The following ADGRG4 variants were observed in gnomAD, a reference collection of about 807,000 sequenced individuals.
The protein encoded by ADGRG4 is adhesion G protein-coupled receptor G4, also known as G protein-coupled receptor 112.
A neutral mutation model predicts 126.2 loss-of-function variants in ADGRG4; 122 were observed. That is an observed-to-expected ratio of 0.97 (90% confidence interval 0.83 to 1.12). The LOEUF is 1.12. ADGRG4 is among the 50% of genes most tolerant of loss of function. The pLI is 0.00. For synonymous variants in ADGRG4, 943 were observed against 838.7 expected (o/e 1.12, Z -2.15); for missense variants, 2,481 against 2,251.8 (o/e 1.10, Z -2.06).
intron 4 of ADGRG4, among the ~76,000 whole-genome samples, chrX:136,311,703 G>A (rs1169207149): frequency 9.0e-6 from 1 of 111,014 alleles, no homozygotes; most frequent in Non-Finnish European, 1.9e-5. Context: ...AAGCCCCAGA[G>A]CCATGTCAGA....
chrX:136,327,055 A>T (rs2148453606), intron 5 of ADGRG4, among the ~76,000 whole-genome samples: 1 of 111,634 alleles, frequency 9.0e-6, no homozygotes, highest in South Asian at 3.7e-4. Context: ...AGTCATTAGA[A>T]ATTTAGTTTT....
chrX:136,339,303 G>T (rs754126974), intron 5 of ADGRG4, among the ~76,000 whole-genome samples: 1 of 111,460 alleles, frequency 9.0e-6, no homozygotes, highest in East Asian at 2.8e-4. Flanking sequence ...TTCCTCTTAT[G>T]CCTGCCTGCC....
At chrX:136,414,455 C>G in intron 25 of ADGRG4, 128 bp downstream of exon 25, 3 of 530,050 alleles carry the variant, frequency 5.7e-6, no homozygotes, top group Non-Finnish European at 6.3e-6. Context: ...GTGTATACCT[C>G]GACTCATTCT....
At chrX:136,387,227 C>G (rs2075296513) in intron 15 of ADGRG4, among the ~76,000 whole-genome samples, 1 of 112,400 alleles carries the variant, frequency 8.9e-6, no homozygotes, top group Non-Finnish European at 1.9e-5. Context: ...TGTGAGCATG[C>G]AGCAGAATTG....
Position 136,387,737 on chromosome X carries a change from C to A in ADGRG4, c.7777-3C>A. The A allele has an allele frequency of 8.3e-7, 1 of 1,202,009 alleles. No homozygotes were observed. The highest frequency in any genetic ancestry group is 1.1e-6 in the Non-Finnish European group (1 of 891,893). On this transcript the variant is annotated splice_polypyrimidine_tract_variant and splice_region_variant and intron_variant, in intron 15 of 25. Coordinates refer to ENST00000394143, the MANE Select transcript of ADGRG4 (RefSeq NM_153834.4). ...ATTTTCATTTTTTGGCTTTTCTTGG[C>A]AGATTTTCCTAGGCAATGTCCCTGT... is the stretch of plus-strand genomic sequence containing the variant.
chrX:136,382,184 G>A (rs1178600242), intron 15 of ADGRG4, among the ~76,000 whole-genome samples: 1 of 111,027 alleles, frequency 9.0e-6, no homozygotes, highest in African/African-American at 3.3e-5. Flanking sequence ...ACAACAATAA[G>A]GTCATAATTA....
chrX:136,378,091 T>C (rs1440191265), intron 15 of ADGRG4, among the ~76,000 whole-genome samples: 1 of 111,385 alleles, frequency 9.0e-6, no homozygotes, highest in East Asian at 2.8e-4. Context: ...CTTAGTAATA[T>C]TGAGTCTTCT....
Position 136,363,545 on chromosome X carries a change from A to G in ADGRG4, c.7346A>G (p.Gln2449Arg). 1 of 1,199,446 alleles carries G rather than the reference A, an allele frequency of 8.3e-7. No homozygotes were observed. Among genetic ancestry groups the G allele is most frequent in the Non-Finnish European group, 1.1e-6 (1 of 884,177 alleles). ...AAGTTTAAACAATGCAAATTGCTTC[A>G]AGAACTTCCTGACAAGATTGTGGAT... ...KPKFKQCKLL[Q>R]ELPDKIVDLA... The change falls in exon 13 of 26, where the codon CAA becomes CGA. Residue 2449 changes from glutamine to arginine, a missense_variant. Physicochemically the swap from Gln to Arg is conservative, Grantham distance 43 (BLOSUM62 1). Coordinates refer to ENST00000394143, the MANE Select transcript of ADGRG4 (RefSeq NM_153834.4).
intron 20 of ADGRG4, 64 bp downstream of exon 20, chrX:136,398,066 T>C: frequency 3.9e-6 from 4 of 1,031,936 alleles, no homozygotes; most frequent in Non-Finnish European, 5.4e-6. Context: ...ATTACCATTG[T>C]AACTTTGTTA....
intron 15 of ADGRG4, among the ~76,000 whole-genome samples, chrX:136,377,094 C>T (rs935426194): frequency 8.2e-5 from 9 of 109,211 alleles, no homozygotes; most frequent in Admixed American, 2.9e-4. Context: ...AAAATGTTTT[C>T]CGTATGACTT....
At chrX:136,408,118 G>A (rs978678503) in intron 23 of ADGRG4, among the ~76,000 whole-genome samples, 2 of 111,876 alleles carry the variant, frequency 1.8e-5, no homozygotes, top group Admixed American at 1.9e-4. Context: ...TATAAAGGAG[G>A]GGCAGGGGTG....
intron 3 of ADGRG4, 106 bp from the exon 4 acceptor site, chrX:136,308,663 A>G: frequency 1.9e-6 from 1 of 537,307 alleles, no homozygotes; most frequent in Non-Finnish European, 3.2e-6. Flanking sequence ...AAGCAATAGG[A>G]AAAAACCCTT....
chrX:136,414,437 A>T, intron 25 of ADGRG4, 110 bp downstream of exon 25: 1 of 603,250 alleles, frequency 1.7e-6, no homozygotes, highest in Non-Finnish European at 2.7e-6. Context: ...CTAAATGCAC[A>T]TGTGCATGTG....
At chrX:136,302,061 G>A (rs2074704130) in intron 1 of ADGRG4, among the ~76,000 whole-genome samples, 1 of 112,136 alleles carries the variant, frequency 8.9e-6, no homozygotes, top group Non-Finnish European at 1.9e-5. Flanking sequence ...ACTTGGCAAT[G>A]TGGGCTCTTT....
At chrX:136,392,591 A>G (rs1301908862) in intron 17 of ADGRG4, among the ~76,000 whole-genome samples, 2 of 111,848 alleles carry the variant, frequency 1.8e-5, no homozygotes, top group Non-Finnish European at 3.8e-5. Flanking sequence ...CAGTGACTGG[A>G]TCTTTTGGAT....
chrX:136,380,596 TC>T (rs1214746329), intron 15 of ADGRG4, among the ~76,000 whole-genome samples: 7 of 85,689 alleles, frequency 8.2e-5, no homozygotes, highest in African/African-American at 1.3e-4. Context: ...CTCCTCCTCC[TC>T]CTCCTCCTCT....
intron 4 of ADGRG4, among the ~76,000 whole-genome samples, chrX:136,317,357 G>T (rs1346728823): frequency 9.2e-6 from 1 of 108,814 alleles, no homozygotes; most frequent in Non-Finnish European, 1.9e-5. Context: ...AAAGTTATCT[G>T]GGCATGGTGG....
Position 136,318,596 on chromosome X carries a change from C to CA in ADGRG4, c.71-4181dup, listed in dbSNP as rs2074819926. Among the ~76,000 whole-genome samples the CA allele has an allele frequency of 3.6e-5, 4 of 111,667 alleles. No individual in the cohort carries two copies. In the South Asian group the frequency reaches 1.5e-3, roughly 42 times the overall value. Reference sequence around the variant, plus strand: ...GTGCTTGGCACTCCTAGGGTAGTAACAGCCATTTAAGTGAGATTTATGATG... The same window carrying CA: ...GTGCTTGGCACTCCTAGGGTAGTAACAAGCCATTTAAGTGAGATTTATGATG... On this transcript the variant is annotated intron_variant, in intron 4 of 25. Coordinates refer to ENST00000394143, the MANE Select transcript of ADGRG4 (RefSeq NM_153834.4).
At chrX:136,391,086 C>T (rs947765453) in intron 16 of ADGRG4, among the ~76,000 whole-genome samples, 9 of 111,047 alleles carry the variant, frequency 8.1e-5, no homozygotes, top group African/African-American at 2.0e-4. Flanking sequence ...CTAGTGGAGC[C>T]CCAGGCTGAA....
Sources: gnomAD v4.1 joint callset for allele counts (sites outside exome capture counted in the v4.1 genomes callset) on GRCh38, gnomAD v4.1.1 for gene constraint, MANE v1.5 for transcripts, NCBI Gene and HGNC (gene_info 2026-07-23, HGNC 2026-07-21) for gene names.